The following C1orf21 variants were observed in gnomAD, a reference collection of about 807,000 sequenced individuals.
C1orf21 encodes the protein uncharacterized protein C1orf21.
C1orf21 carries 3 observed loss-of-function variants against 18.7 expected under a neutral mutation model. The ratio of observed to expected loss-of-function variants is 0.16; its 90% CI spans 0.07 to 0.42. The LOEUF (loss-of-function observed/expected upper bound fraction) is 0.42. Ranked by LOEUF, C1orf21 falls within the 10% of genes least tolerant of loss-of-function variation. C1orf21 has a pLI of 0.99. For synonymous variants in C1orf21, 41 were observed against 46.4 expected, an observed-to-expected ratio of 0.88 and a Z score of 0.47; for missense variants, 104 against 143.6, an observed-to-expected ratio of 0.72 and a Z score of 1.41.
chr1:184,587,524 TTGTGTG>T (rs3034486), intron 3 of C1orf21, among the ~76,000 whole-genome samples: 9,227 of 139,582 alleles, frequency 0.066, 453 homozygotes, highest in African/African-American at 0.14. Context: ...TTCCTAGGAA[TTGTGTG>T]TGTGTGTGTG....
intron 3 of C1orf21, among the ~76,000 whole-genome samples, chr1:184,576,990 G>A (rs977479789): frequency 6.6e-6 from 1 of 152,106 alleles, no homozygotes; most frequent in African/African-American, 2.4e-5. Flanking sequence ...ACCTTGGGAT[G>A]GATGAATGCA....
At chr1:184,447,731 C>T (rs968107720) in intron 1 of C1orf21, among the ~76,000 whole-genome samples, 11 of 152,172 alleles carry the variant, frequency 7.2e-5, no homozygotes, top group African/African-American at 2.4e-4. Flanking sequence ...CGACATCTCT[C>T]CCCTGGTCAC....
chr1:184,557,038 T>C (rs191212457), intron 3 of C1orf21, among the ~76,000 whole-genome samples: 41 of 152,324 alleles, frequency 2.7e-4, no homozygotes, highest in African/African-American at 9.6e-4. Flanking sequence ...TGACAAACAT[T>C]CTGTCAACTC....
intron 1 of C1orf21, among the ~76,000 whole-genome samples, chr1:184,474,129 A>C (rs1657535641): frequency 6.6e-6 from 1 of 152,248 alleles, no homozygotes. Context: ...TGAGTAAATT[A>C]CTAAAATATA....
intron 3 of C1orf21, 85 bp downstream of exon 3, chr1:184,507,767 A>T: frequency 9.9e-7 from 1 of 1,010,196 alleles, no homozygotes; most frequent in East Asian, 2.7e-5. Context: ...ACTGCAACTT[A>T]CACACTGGCA....
At chr1:184,574,915 G>T (rs2101991618) in intron 3 of C1orf21, among the ~76,000 whole-genome samples, 1 of 152,330 alleles carries the variant, frequency 6.6e-6, no homozygotes, top group Non-Finnish European at 1.5e-5. Context: ...GACGAGCTCA[G>T]CTCGGGTGTC....
chr1:184,578,023 C>T (rs1488016649), intron 3 of C1orf21, among the ~76,000 whole-genome samples: 3 of 145,282 alleles, frequency 2.1e-5, no homozygotes, highest in African/African-American at 7.7e-5. Context: ...GCGCCGCCAT[C>T]TCAGCTCACT....
intron 3 of C1orf21, among the ~76,000 whole-genome samples, chr1:184,521,416 A>G (rs1658304598): frequency 6.6e-6 from 1 of 152,294 alleles, no homozygotes; most frequent in Middle Eastern, 3.4e-3. Context: ...AAGCTGTAGT[A>G]CATCCAGACA....
Position 184,481,784 on chromosome 1 carries a change from G to A in C1orf21, c.94+4181G>A, listed in dbSNP as rs555959762. ...TTAAATACAGCAGGAATACAATGGG[G>A]AGAGAACTTCACCAATCAAGGGAGA... On this transcript the variant is annotated intron_variant, in intron 2 of 5. Transcript: ENST00000235307. Among the ~76,000 whole-genome samples, 36 of 152,326 alleles carry A rather than the reference G, an allele frequency of 2.4e-4. No homozygotes were observed. The East Asian group carries it at 5.0e-3, about 21-fold the overall frequency.
chr1:184,567,815 A>G (rs571152168), intron 3 of C1orf21: 67 of 230,382 alleles, frequency 2.9e-4, no homozygotes, highest in Non-Finnish European at 5.5e-4. Flanking sequence ...TCCGCATACT[A>G]GCTTTTGTTT....
At chr1:184,390,793 T>C (rs1655959502) in intron 1 of C1orf21, among the ~76,000 whole-genome samples, 1 of 152,198 alleles carries the variant, frequency 6.6e-6, no homozygotes, top group African/African-American at 2.4e-5. Flanking sequence ...ATGGTCCTTC[T>C]TTGAGCCTCA....
intron 1 of C1orf21, among the ~76,000 whole-genome samples, chr1:184,433,083 T>C (rs1012643313): frequency 3.9e-5 from 6 of 152,156 alleles, no homozygotes; most frequent in East Asian, 3.9e-4. Context: ...TCCCCAGACA[T>C]AGGTGGATAG....
Position 184,625,119 on chromosome 1 carries a change from G to A in C1orf21, c.*5563G>A, listed in dbSNP as rs1219767375. 4 of 152,144 alleles carry A rather than the reference G, an allele frequency of 2.6e-5. No homozygotes were observed. In the East Asian group the frequency reaches 5.8e-4, roughly 22 times the overall value. 9.4% of individuals were successfully genotyped at this position (152,144 alleles called of 1,614,324 possible). On this transcript the variant is annotated 3_prime_UTR_variant, in exon 6 of 6. Coordinates refer to ENST00000235307, the MANE Select transcript of C1orf21 (RefSeq NM_030806.4). ...GGGAAGATTCACCTCTAAACTGAAG[G>A]CTTCATTCTGATAGTGTCTGCCCTC...
At chr1:184,472,641 A>G (rs1657511234) in intron 1 of C1orf21, among the ~76,000 whole-genome samples, 2 of 152,020 alleles carry the variant, frequency 1.3e-5, no homozygotes, top group African/African-American at 4.8e-5. Flanking sequence ...TTCCTTCCCA[A>G]TTTTATAAAA....
chr1:184,397,387 C>T (rs1052164935), intron 1 of C1orf21, among the ~76,000 whole-genome samples: 2 of 152,112 alleles, frequency 1.3e-5, no homozygotes, highest in East Asian at 3.9e-4. Flanking sequence ...GAGATCAAGA[C>T]CATCCTGGCT....
chr1:184,460,713 C>CTT lies in C1orf21; in HGVS notation c.-124-16659_-124-16658dup, dbSNP rs11393803. ...TCTTCTTTCTTTTTTTCTCTTCTTC[C>CTT]TTTTTTTTTTTTTTTAAGAAATGGG... On this transcript the variant is annotated intron_variant, in intron 1 of 5. Transcript: ENST00000235307. Among the ~76,000 whole-genome samples the CTT allele has an allele frequency of 2.6e-4, 24 of 90,696 alleles. 1 individual carries two copies. Among genetic ancestry groups the CTT allele is most frequent in the South Asian group, 7.0e-4 (2 of 2,850 alleles). 59.5% of individuals were successfully genotyped at this position (90,696 alleles called of 152,430 possible). A position where few individuals can be genotyped will look rare whatever the true frequency, so the allele number is the denominator to read the frequency against.
chr1:184,414,488 T>C (rs1571347013), intron 1 of C1orf21, among the ~76,000 whole-genome samples: 1 of 152,302 alleles, frequency 6.6e-6, no homozygotes. Flanking sequence ...AGAGGGCAGA[T>C]ATTATTCAGC....
At chr1:184,598,129 A>T (rs1052965021) in intron 4 of C1orf21, among the ~76,000 whole-genome samples, 1 of 152,060 alleles carries the variant, frequency 6.6e-6, no homozygotes, top group African/African-American at 2.4e-5. Context: ...ACAATTTGGC[A>T]TTCAGCTCCT....
chr1:184,570,955 C>T (rs962588332), intron 3 of C1orf21, among the ~76,000 whole-genome samples: 7 of 152,184 alleles, frequency 4.6e-5, no homozygotes, highest in Non-Finnish European at 8.8e-5. Flanking sequence ...AGCGTTTATA[C>T]ACAATGATAA....
Sources: gnomAD v4.1 joint callset for allele counts (sites outside exome capture counted in the v4.1 genomes callset) on GRCh38, gnomAD v4.1.1 for gene constraint, MANE v1.5 for transcripts, NCBI Gene and HGNC (gene_info 2026-07-23, HGNC 2026-07-21) for gene names.